The following TNIK variants were observed in gnomAD, a reference collection of about 807,000 sequenced individuals.
TNIK encodes the protein TRAF2 and NCK-interacting protein kinase.
TNIK carries 49 observed loss-of-function variants against 191.3 expected under a neutral mutation model. The observed-to-expected ratio is 0.26, with a 90% CI of 0.20 to 0.32. The LOEUF is 0.32. Ranked by LOEUF, TNIK falls within the 10% of genes least tolerant of loss-of-function variation. TNIK has a pLI of 1.00. For missense variants in TNIK, 1,155 were observed against 1,702.3 expected (o/e 0.68, Z 5.66); for synonymous variants, 594 against 600.9 (o/e 0.99, Z 0.17).
At position 171,167,215 on chromosome 3, in the gene TNIK, G is replaced by T; in HGVS notation, c.829C>A (p.Arg277=). The T allele has an allele frequency of 6.2e-7, 1 of 1,613,852 alleles. No homozygotes were observed. Among genetic ancestry groups the T allele is most frequent in the Non-Finnish European group, 8.5e-7 (1 of 1,179,830 alleles). Residue 277 remains arginine, a synonymous_variant, in exon 10 of 33, where the codon CGA becomes AGA. Transcript: ENST00000436636. ...TTCATCAATTGTTCTGTTGCTGGTC[G>T]CTGGCTGTGATTCTTTACCAAGCAG... ...ESCLVKNHSQ[R]PATEQLMKHP... is the part of the protein sequence containing the mutation.
chr3:171,455,776 G>C (rs1384472471), intron 1 of TNIK, among the ~76,000 whole-genome samples: 1 of 152,150 alleles, frequency 6.6e-6, no homozygotes, highest in Non-Finnish European at 1.5e-5. Flanking sequence ...GTGAATAAGA[G>C]GTGGACATAG....
chr3:171,396,121 GC>G (rs146400910), intron 1 of TNIK, among the ~76,000 whole-genome samples: 1,971 of 149,348 alleles, frequency 0.013, 44 homozygotes, highest in African/African-American at 0.046. Flanking sequence ...CCCACCCACT[GC>G]CCCCCCAACC....
intron 2 of TNIK, among the ~76,000 whole-genome samples, chr3:171,287,284 T>C (rs578130517): frequency 6.7e-4 from 102 of 152,378 alleles, no homozygotes; most frequent in Middle Eastern, 3.4e-3. Context: ...CTATTAGTTA[T>C]GTTGTCAAGT....
At chr3:171,181,170 C>T (rs1328792124) in intron 7 of TNIK, among the ~76,000 whole-genome samples, 3 of 152,174 alleles carry the variant, frequency 2.0e-5, no homozygotes, top group Non-Finnish European at 4.4e-5. Context: ...CAGGCAGATC[C>T]GAATTCAAAT....
chr3:171,449,754 G>A (rs1368325169), intron 1 of TNIK, among the ~76,000 whole-genome samples: 1 of 151,654 alleles, frequency 6.6e-6, no homozygotes. Flanking sequence ...CTTTTACAAT[G>A]AGAACCAGAA....
At chr3:171,352,446 A>T (rs1365071868) in intron 2 of TNIK, among the ~76,000 whole-genome samples, 1 of 152,206 alleles carries the variant, frequency 6.6e-6, no homozygotes, top group African/African-American at 2.4e-5. Context: ...TATTTATCCA[A>T]AGAATAAGCA....
At chr3:171,414,560 G>T (rs575140021) in intron 1 of TNIK, among the ~76,000 whole-genome samples, 1 of 152,304 alleles carries the variant, frequency 6.6e-6, no homozygotes, top group African/African-American at 2.4e-5. Context: ...ATAACCAGGG[G>T]GTTTATCTCA....
chr3:171,344,573 C>G (rs918729902), intron 2 of TNIK, among the ~76,000 whole-genome samples: 1 of 152,030 alleles, frequency 6.6e-6, no homozygotes, highest in Non-Finnish European at 1.5e-5. Context: ...ATTAGGTGAC[C>G]GGACCTTCCT....
chr3:171,426,366 G>T (rs539673754), intron 1 of TNIK, among the ~76,000 whole-genome samples: 1 of 140,918 alleles, frequency 7.1e-6, no homozygotes, highest in African/African-American at 2.6e-5. Context: ...GAGAACACTC[G>T]GACACAGGAA....
At chr3:171,161,412 A>G (rs1733972220) in intron 10 of TNIK, 76 bp from the exon 11 acceptor site, 16 of 1,305,878 alleles carry the variant, frequency 1.2e-5, no homozygotes, top group Non-Finnish European at 1.6e-5. Flanking sequence ...TCTCTTATAT[A>G]TAAATAAATA....
At chr3:171,292,152 C>T (rs547766922) in intron 2 of TNIK, among the ~76,000 whole-genome samples, 1 of 152,090 alleles carries the variant, frequency 6.6e-6, no homozygotes, top group African/African-American at 2.4e-5. Flanking sequence ...TTTCCTTTAT[C>T]TCAATTATAA....
At position 171,418,642 on chromosome 3, in the gene TNIK, G is replaced by A. The variant is rs908626498; in HGVS notation, c.57+41365C>T. On this transcript the variant is annotated intron_variant, in intron 1 of 32. Coordinates refer to ENST00000436636, the MANE Select transcript of TNIK (RefSeq NM_015028.4). The stretch of plus-strand genomic sequence containing the variant: ...TTTCCAGAACAGAGAAATCTACAGG[G>A]ACAGAAAGTAGATTAGTGGTTGCTT... 9.2e-5 allele frequency among the ~76,000 whole-genome samples: 14 copies of A among 152,268 alleles called. 1 individual carries two copies. In the South Asian group the frequency reaches 2.9e-3, roughly 32 times the overall value.
Position 171,126,014 on chromosome 3 carries a change from G to A in TNIK, c.1911C>T (p.Arg637=). The A allele has an allele frequency of 6.2e-7, 1 of 1,613,968 alleles. No individual in the cohort carries two copies. The highest frequency in any genetic ancestry group is 8.5e-7 in the Non-Finnish European group (1 of 1,179,888). ...TTTCCGAGGTGGGATCTGAGTTCTG[G>A]CGTGGCATCTCCACGCGGTGGGAGG... ...NVTSHRVEMP[R]QNSDPTSENP... is the part of the protein sequence containing the mutation. The change falls in exon 17 of 33, where the codon CGC becomes CGT. Residue 637 remains arginine (R), a synonymous_variant. Transcript: ENST00000436636.
At chr3:171,225,707 C>CA (rs1460759406) in intron 3 of TNIK, 1 of 440,918 alleles carries the variant, frequency 2.3e-6, no homozygotes, top group Non-Finnish European at 4.5e-6. Context: ...GGTGGTCTAG[C>CA]AATAGTGGTT....
intron 18 of TNIK, among the ~76,000 whole-genome samples, chr3:171,123,084 G>A (rs868325273): frequency 2.0e-5 from 3 of 152,320 alleles, no homozygotes; most frequent in African/African-American, 7.2e-5. Context: ...CAACTTCCTC[G>A]TAAGAGCTAG....
chr3:171,351,661 A>G (rs1713234814), intron 2 of TNIK, among the ~76,000 whole-genome samples: 1 of 152,168 alleles, frequency 6.6e-6, no homozygotes, highest in African/African-American at 2.4e-5. Context: ...AATTCATAGT[A>G]GTAGCCAAAT....
At chr3:171,359,978 A>G (rs1714729532) in intron 2 of TNIK, among the ~76,000 whole-genome samples, 1 of 152,196 alleles carries the variant, frequency 6.6e-6, no homozygotes, top group African/African-American at 2.4e-5. Flanking sequence ...TGAGATCTAA[A>G]AACTACAAGT....
At position 171,413,504 on chromosome 3, in the gene TNIK, C is replaced by T. The variant is rs546587306; in HGVS notation, c.58-43819G>A. Among the ~76,000 whole-genome samples the T allele has an allele frequency of 5.3e-5, 8 of 152,318 alleles. No individual in the cohort carries two copies. In the South Asian group the frequency reaches 1.7e-3, roughly 32 times the overall value. ...TGCATCTTTGCACTGGCCGGATCCTCTCAGCATCACCCACTGGCTCATTTC... is the reference window on the plus strand; with the variant it reads ...TGCATCTTTGCACTGGCCGGATCCTTTCAGCATCACCCACTGGCTCATTTC... On this transcript the variant is annotated intron_variant, in intron 1 of 32. Transcript: ENST00000436636.
At chr3:171,070,316 T>A (rs938961046) in intron 29 of TNIK, among the ~76,000 whole-genome samples, 2 of 152,182 alleles carry the variant, frequency 1.3e-5, no homozygotes, top group Non-Finnish European at 2.9e-5. Flanking sequence ...CTACATGGTG[T>A]TCCAAGGGCA....
Sources: gnomAD v4.1 joint callset for allele counts (sites outside exome capture counted in the v4.1 genomes callset) on GRCh38, gnomAD v4.1.1 for gene constraint, MANE v1.5 for transcripts, NCBI Gene and HGNC (gene_info 2026-07-23, HGNC 2026-07-21) for gene names.